The following SH3RF2 variants were observed in gnomAD, a reference collection of about 807,000 sequenced individuals.
The protein encoded by SH3RF2 is E3 ubiquitin-protein ligase SH3RF2.
In SH3RF2, 43 loss-of-function variants were observed where a neutral mutation model predicts 59.0. The ratio of observed to expected loss-of-function variants is 0.73; its 90% confidence interval spans 0.57 to 0.94. The LOEUF (loss-of-function observed/expected upper bound fraction) is 0.94, where lower values mean the gene tolerates loss of function less well. Among genes scored for constraint, SH3RF2 ranks in the 40% least tolerant of loss-of-function variants. The pLI, the probability that SH3RF2 is intolerant of heterozygous loss-of-function variation, is 0.00. For missense variants in SH3RF2, 930 were observed against 940.1 expected (o/e 0.99, Z 0.14); for synonymous variants, 391 against 391.5 (o/e 1.00, Z 0.01).
chr5:145,943,551 C>T (rs1757898007), intron 2 of SH3RF2, among the ~76,000 whole-genome samples: 1 of 152,082 alleles, frequency 6.6e-6, no homozygotes, highest in Non-Finnish European at 1.5e-5. Flanking sequence ...TTCACCTGAC[C>T]CACTCTGATT....
rs769419482 is a variant in SH3RF2, at chr5:146,059,898, A to G, written c.1588A>G (p.Ile530Val). Residue 530 changes from isoleucine to valine, a missense_variant, in exon 9 of 10, where the codon ATC becomes GTC. Coordinates refer to ENST00000359120, the MANE Select transcript of SH3RF2 (RefSeq NM_152550.4). ...GSLQRPLQSG[I>V]PTLVVGSLRR... The stretch of plus-strand genomic sequence containing the variant: ...CCTGCAGAGACCCCTCCAGTCCGGG[A>G]TCCCCACTCTCGTGGTAGGCTCCCT... 2.0e-5 allele frequency: 30 copies of G among 1,496,886 alleles called. No homozygotes were observed. In the Admixed American group the frequency reaches 2.1e-4, roughly 11 times the overall value. 92.7% of individuals were successfully genotyped at this position (1,496,886 alleles called of 1,614,324 possible). A position where few individuals can be genotyped will look rare whatever the true frequency, so the allele number is the denominator to read the frequency against.
At chr5:146,013,218 C>T (rs778043797) in intron 4 of SH3RF2, among the ~76,000 whole-genome samples, 2 of 152,142 alleles carry the variant, frequency 1.3e-5, no homozygotes, top group South Asian at 4.1e-4. Flanking sequence ...AGGAGAGAAT[C>T]ATGTGTAGAA....
chr5:146,067,142 A>T (rs985550670), downstream of SH3RF2, among the ~76,000 whole-genome samples: 1 of 152,046 alleles, frequency 6.6e-6, no homozygotes, highest in Non-Finnish European at 1.5e-5. Flanking sequence ...CAGGGCTTTC[A>T]GAGCAGGAAG....
chr5:146,027,874 A>G (rs1761587211), intron 5 of SH3RF2, among the ~76,000 whole-genome samples: 1 of 152,200 alleles, frequency 6.6e-6, no homozygotes, highest in South Asian at 2.1e-4. Flanking sequence ...TTAGATCCTC[A>G]GCCCTGCCCA....
chr5:146,008,817 C>CACCAATCTGTTTTCTGTTCCTGTAGTTT (rs1269532792), intron 4 of SH3RF2, among the ~76,000 whole-genome samples: 9 of 152,290 alleles, frequency 5.9e-5, no homozygotes, highest in African/African-American at 2.2e-4. Context: ...TGCTGGCAAC[C>CACCAATCTGTTTTCTGTTCCTGTAGTTT]ACCAATCTGT....
chr5:145,971,136 A>G (rs1445120809), intron 2 of SH3RF2, among the ~76,000 whole-genome samples: 2 of 152,202 alleles, frequency 1.3e-5, no homozygotes, highest in African/African-American at 2.4e-5. Flanking sequence ...CAAAGCAACC[A>G]GTGAATATTA....
intron 2 of SH3RF2, among the ~76,000 whole-genome samples, chr5:145,947,384 A>T (rs1227945693): frequency 6.6e-6 from 1 of 152,056 alleles, no homozygotes; most frequent in Non-Finnish European, 1.5e-5. Flanking sequence ...TTACTTAGTG[A>T]CTCTGATCAT....
intron 5 of SH3RF2, among the ~76,000 whole-genome samples, chr5:146,021,539 C>T (rs1761316035): frequency 6.6e-6 from 1 of 152,136 alleles, no homozygotes; most frequent in Non-Finnish European, 1.5e-5. Flanking sequence ...CCCCATAGTG[C>T]CTTTTATAGG....
intron 5 of SH3RF2, among the ~76,000 whole-genome samples, chr5:146,029,986 G>A (rs958393596): frequency 2.6e-5 from 4 of 152,148 alleles, no homozygotes; most frequent in African/African-American, 9.7e-5. Context: ...AATAAAAACT[G>A]GTTACGTATG....
At chr5:146,074,514 G>A (rs1257487510) in intron 9 of SH3RF2, among the ~76,000 whole-genome samples, 2 of 151,750 alleles carry the variant, frequency 1.3e-5, no homozygotes, top group Non-Finnish European at 2.9e-5. Context: ...CCTTTCAGAG[G>A]AACTGGCCCT....
At chr5:146,045,569 A>G (rs1561760239) in intron 5 of SH3RF2, among the ~76,000 whole-genome samples, 2 of 152,238 alleles carry the variant, frequency 1.3e-5, no homozygotes, top group African/African-American at 2.4e-5. Context: ...TATAAATGGA[A>G]TCAACTAATA....
chr5:146,028,425 C>T (rs1327319124), intron 5 of SH3RF2, among the ~76,000 whole-genome samples: 1 of 152,292 alleles, frequency 6.6e-6, no homozygotes, highest in South Asian at 2.1e-4. Context: ...AAATTAATAG[C>T]GTCTTCCACA....
chr5:146,034,970 G>T (rs534845812), intron 5 of SH3RF2, among the ~76,000 whole-genome samples: 83 of 152,252 alleles, frequency 5.5e-4, no homozygotes, highest in African/African-American at 2.0e-3. Flanking sequence ...GCCAGGCGTG[G>T]TAGTGCACCC....
chr5:146,031,440 A>C (rs1047368711), intron 5 of SH3RF2, among the ~76,000 whole-genome samples: 1 of 152,248 alleles, frequency 6.6e-6, no homozygotes, highest in African/African-American at 2.4e-5. Context: ...CGAATGATTA[A>C]GTGATGGAGG....
At position 146,040,120 on chromosome 5, in the gene SH3RF2, C is replaced by T. The variant is rs199635477; in HGVS notation, c.1060-7652C>T. Among the ~76,000 whole-genome samples the T allele has an allele frequency of 1.4e-4, 21 of 152,262 alleles. No homozygotes were observed. The East Asian group carries it at 3.9e-3, about 28-fold the overall frequency. Reference sequence around the variant, plus strand: ...AACACAAACTTCAGCATTGTAGCTACCTCTGGGATAACTTGGGAGAGAGAC... The same window carrying T: ...AACACAAACTTCAGCATTGTAGCTATCTCTGGGATAACTTGGGAGAGAGAC... On this transcript the variant is annotated intron_variant, in intron 5 of 9. Coordinates refer to ENST00000359120, the MANE Select transcript of SH3RF2 (RefSeq NM_152550.4).
intron 2 of SH3RF2, among the ~76,000 whole-genome samples, chr5:145,953,200 T>C (rs566819758): frequency 2.0e-5 from 3 of 151,938 alleles, no homozygotes; most frequent in East Asian, 1.9e-4. Flanking sequence ...AAACTAAATA[T>C]AGACAAGGGT....
At chr5:145,940,945 A>T (rs1757791023) in intron 2 of SH3RF2, among the ~76,000 whole-genome samples, 1 of 152,142 alleles carries the variant, frequency 6.6e-6, no homozygotes, top group Non-Finnish European at 1.5e-5. Context: ...GGCATGCTAC[A>T]AAATGTAGAA....
downstream of SH3RF2, among the ~76,000 whole-genome samples, chr5:146,064,208 G>A (rs1460200316): frequency 6.6e-6 from 1 of 150,928 alleles, no homozygotes; most frequent in East Asian, 2.0e-4. Context: ...AAGAGTGAAA[G>A]AGGATTGAGG....
In SH3RF2 at chr5:145,975,671, T is replaced by G. The variant is rs552695375; in HGVS notation, c.379-24387T>G. Among the ~76,000 whole-genome samples the G allele has an allele frequency of 2.0e-5, 3 of 152,088 alleles. No homozygotes were observed. The East Asian group carries it at 5.8e-4, about 29-fold the overall frequency. The stretch of plus-strand genomic sequence containing the variant: ...TGGTTCACAGTCAGCCCTGCTAGAG[T>G]CTAACCAAGCAATGAACCGTGTTGA... On this transcript the variant is annotated intron_variant, in intron 2 of 9. Transcript: ENST00000359120.
Sources: allele counts gnomAD v4.1 joint callset (sites outside exome capture counted in the v4.1 genomes callset), GRCh38; gene constraint gnomAD v4.1.1; transcripts MANE v1.5; gene names NCBI Gene and HGNC (gene_info 2026-07-23, HGNC 2026-07-21).